KANSL1: variants seen among roughly 807,000 people sequenced by gnomAD.
KANSL1 encodes KAT8 regulatory NSL complex subunit 1.
A neutral mutation model predicts 103.6 loss-of-function variants in KANSL1; 22 were observed. That is an observed-to-expected ratio of 0.21 (90% CI 0.15 to 0.30). The LOEUF (loss-of-function observed/expected upper bound fraction) is 0.30, where lower values mean the gene tolerates loss of function less well. KANSL1 is among the 10% of genes least tolerant of loss of function. The probability of loss-of-function intolerance (pLI) is 1.00; values close to 1 mark genes in which losing one functional copy is unlikely to be tolerated. For missense variants in KANSL1, 1,337 were observed against 1,399.8 expected, an observed-to-expected ratio of 0.96 and a Z score of 0.72; for synonymous variants, 600 against 527.6, an observed-to-expected ratio of 1.14 and a Z score of -1.88.
At chr17:46,156,157 G>C (rs9904846) in intron 2 of KANSL1, among the ~76,000 whole-genome samples, 1 of 152,140 alleles carries the variant, frequency 6.6e-6, no homozygotes, top group South Asian at 2.1e-4. Flanking sequence ...AGACCAGCCT[G>C]ACCAACATGG....
intron 6 of KANSL1, among the ~76,000 whole-genome samples, chr17:46,058,940 T>C (rs946534264): frequency 2.5e-4 from 38 of 151,546 alleles, no homozygotes; most frequent in African/African-American, 6.5e-4. Flanking sequence ...TAATCTCAGC[T>C]ACTTGCTGAG....
At chr17:46,060,417 CA>C (rs1358705275) in intron 6 of KANSL1, among the ~76,000 whole-genome samples, 1 of 152,112 alleles carries the variant, frequency 6.6e-6, no homozygotes, top group African/African-American at 2.4e-5. Context: ...CTCAGTCTTT[CA>C]AAATTTATTT....
At chr17:46,033,220 C>T (rs776260028) in intron 12 of KANSL1, 28 bp from the exon 13 acceptor site, 12 of 1,545,908 alleles carry the variant, frequency 7.8e-6, no homozygotes, top group Non-Finnish European at 4.4e-6. Context: ...CATCGATCCC[C>T]TCTTTTCTCC....
At chr17:46,201,295 G>A (rs2696446) in intron 1 of KANSL1, among the ~76,000 whole-genome samples, 18,572 of 150,336 alleles carry the variant, frequency 0.12, 22 homozygotes, top group Middle Eastern at 0.19. Flanking sequence ...TACAAACGGG[G>A]AGTAACCAAA....
intron 6 of KANSL1, among the ~76,000 whole-genome samples, chr17:46,060,530 T>C (rs2078120926): frequency 6.6e-6 from 1 of 152,238 alleles, no homozygotes; most frequent in African/African-American, 2.4e-5. Flanking sequence ...AGTAGCTTTA[T>C]GTCCTAAGGT....
chr17:46,150,020 T>A (rs2147477208), intron 2 of KANSL1, among the ~76,000 whole-genome samples: 1 of 125,138 alleles, frequency 8.0e-6, no homozygotes, highest in African/African-American at 3.0e-5. Flanking sequence ...AGACTCCATC[T>A]CAAAAATAAA....
At chr17:46,157,780 T>C (rs1197199679) in intron 2 of KANSL1, among the ~76,000 whole-genome samples, 7 of 152,232 alleles carry the variant, frequency 4.6e-5, no homozygotes. Context: ...AAATGAGTCT[T>C]AAGCAAGCTT....
chr17:46,186,102 G>A (rs939546570), intron 1 of KANSL1, among the ~76,000 whole-genome samples: 2 of 151,952 alleles, frequency 1.3e-5, no homozygotes, highest in South Asian at 4.1e-4. Flanking sequence ...GAGGCCGGGC[G>A]CGGTGGCTCA....
intron 2 of KANSL1, among the ~76,000 whole-genome samples, chr17:46,102,258 T>C (rs953826474): frequency 2.2e-4 from 32 of 144,574 alleles, no homozygotes; most frequent in Non-Finnish European, 4.6e-4. Flanking sequence ...GAGCCAATAC[T>C]TTTTTTTTTG....
At chr17:46,033,487 G>A in intron 11 of KANSL1, 27 bp from the exon 12 acceptor site, 1 of 1,608,638 alleles carries the variant, frequency 6.2e-7, no homozygotes, top group Non-Finnish European at 8.5e-7. Flanking sequence ...AGACAATCAT[G>A]AGATGGCAAG....
At chr17:46,128,334 A>AT (rs1451242374) in intron 2 of KANSL1, among the ~76,000 whole-genome samples, 1 of 152,188 alleles carries the variant, frequency 6.6e-6, no homozygotes, top group Non-Finnish European at 1.5e-5. Flanking sequence ...CGATTCAAGC[A>AT]TTTTTTGGAT....
rs1234145637 is a variant in KANSL1, at chr17:46,192,945, G to C, written c.-212C>G. 6.7e-6 allele frequency: 1 copy of C among 150,300 alleles called. No homozygotes were observed. Among genetic ancestry groups the C allele is most frequent in the African/African-American group, 2.4e-5 (1 of 41,050 alleles). 9.3% of individuals were successfully genotyped at this position (150,300 alleles called of 1,614,324 possible). The stretch of plus-strand genomic sequence containing the variant: ...GGCGGGGGCGCGCGACGGCGGCTCC[G>C]GCCCGGGCCCGCCGCTCTCCTCCCC... On this transcript the variant is annotated 5_prime_UTR_variant, in exon 1 of 15. Coordinates refer to ENST00000432791, the MANE Select transcript of KANSL1 (RefSeq NM_015443.4).
intron 2 of KANSL1, among the ~76,000 whole-genome samples, chr17:46,145,773 G>A (rs1436701128): frequency 1.6e-4 from 24 of 152,144 alleles, no homozygotes; most frequent in Admixed American, 9.8e-4. Context: ...CTGTCACCCA[G>A]GCTGGAGTGT....
intron 2 of KANSL1, among the ~76,000 whole-genome samples, chr17:46,104,323 C>T (rs934056419): frequency 2.0e-5 from 3 of 152,142 alleles, no homozygotes; most frequent in African/African-American, 4.8e-5. Flanking sequence ...CCAGAAAATA[C>T]CCAGAAGCAT....
intron 2 of KANSL1, among the ~76,000 whole-genome samples, chr17:46,148,932 T>G (rs1319607174): frequency 6.6e-6 from 1 of 150,622 alleles, no homozygotes; most frequent in Non-Finnish European, 1.5e-5. Flanking sequence ...CCCCTCTCCC[T>G]AGACTCCTAA....
chr17:46,040,257 G>T, intron 7 of KANSL1: 1 of 234,530 alleles, frequency 4.3e-6, no homozygotes, highest in Non-Finnish European at 8.3e-6. Context: ...AAGTTAATCA[G>T]GATGCAATTA....
chr17:46,202,218 T>C, intron 1 of KANSL1, among the ~76,000 whole-genome samples: 1 of 152,218 alleles, frequency 6.6e-6, no homozygotes, highest in Non-Finnish European at 1.5e-5. Flanking sequence ...CTTCAGGCTA[T>C]GTGCATAATG....
At chr17:46,164,807 G>T (rs553044541) in intron 2 of KANSL1, among the ~76,000 whole-genome samples, 59 of 152,300 alleles carry the variant, frequency 3.9e-4, no homozygotes, top group Admixed American at 1.6e-3. Context: ...GGTCACGTAG[G>T]GTCAGCTCCC....
intron 2 of KANSL1, among the ~76,000 whole-genome samples, chr17:46,117,193 T>C (rs958703043): frequency 6.6e-6 from 1 of 152,206 alleles, no homozygotes; most frequent in Non-Finnish European, 1.5e-5. Context: ...GGTATGCAGC[T>C]TCAACTGAGC....
Sources: gnomAD v4.1 joint callset for allele counts (sites outside exome capture counted in the v4.1 genomes callset) on GRCh38, gnomAD v4.1.1 for gene constraint, MANE v1.5 for transcripts, NCBI Gene and HGNC (gene_info 2026-07-23, HGNC 2026-07-21) for gene names.